Variants in BIRC6 observed in about 807,000 individuals in gnomAD.
BIRC6 encodes dual E2 ubiquitin-conjugating enzyme/E3 ubiquitin-protein ligase BIRC6.
A neutral mutation model predicts 503.3 loss-of-function variants in BIRC6; 98 were observed. The observed-to-expected ratio is 0.19, with a 90% CI of 0.17 to 0.23. The LOEUF (loss-of-function observed/expected upper bound fraction) is 0.23, where lower values mean the gene tolerates loss of function less well. BIRC6 is among the 10% of genes least tolerant of loss of function. BIRC6 has a pLI of 1.00. For missense variants in BIRC6, 5,360 were observed against 5,806.0 expected (o/e 0.92, Z 2.50); for synonymous variants, 2,240 against 2,078.7 (o/e 1.08, Z -2.11).
At chr2:32,368,569 AAAAT>A (rs2035304872) in intron 1 of BIRC6, among the ~76,000 whole-genome samples, 1 of 152,100 alleles carries the variant, frequency 6.6e-6, no homozygotes, top group Admixed American at 6.6e-5. Flanking sequence ...AAATAAATAA[AAAAT>A]AAAACAGGAG....
Position 32,482,439 on chromosome 2 carries a change from G to A in BIRC6, c.7553G>A (p.Ser2518Asn). The change falls in exon 39 of 74, where the codon AGT (serine) becomes AAT (asparagine). Residue 2518 changes from serine to asparagine, a missense_variant. Around this residue, in one of 16 missense-constraint regions of BIRC6, gnomAD observed 2,299 missense variants for 2,267.2 expected, o/e 1.01. Transcript: ENST00000421745. The part of the protein sequence containing the change: ...LAAKVFKPIS[S>N]TWYDYWGADY... ...TTCCATTCTTTTAAGCCAATAAGCA[G>A]TACATGGTATGATTATTGGGGTGCT... The A allele has an allele frequency of 6.2e-7, 1 of 1,613,772 alleles. No homozygotes were observed. The highest frequency in any genetic ancestry group is 1.3e-5 in the African/African-American group (1 of 75,020).
intron 70 of BIRC6, among the ~76,000 whole-genome samples, chr2:32,601,758 T>A (rs2062074884): frequency 6.6e-6 from 1 of 152,198 alleles, no homozygotes; most frequent in Non-Finnish European, 1.5e-5. Context: ...AGGTGCAGAT[T>A]AAGTGTCCCC....
At chr2:32,489,942 A>G in intron 42 of BIRC6, 99 bp from the exon 43 acceptor site, 1 of 819,896 alleles carries the variant, frequency 1.2e-6, no homozygotes, top group Non-Finnish European at 2.0e-6. Flanking sequence ...GAGCGGATTT[A>G]AAGAAATAGT....
At position 32,390,512 on chromosome 2, in the gene BIRC6, A is replaced by G. The variant is rs112107403; in HGVS notation, c.840-1527A>G. ...GTATTTTTAGTAAAGACAGGGTTTC[A>G]CCATGTTGGCCAGGCTGGTCTCGAA... On this transcript the variant is annotated intron_variant, in intron 4 of 73. Coordinates refer to ENST00000421745, the MANE Select transcript of BIRC6 (RefSeq NM_016252.4). Among the ~76,000 whole-genome samples, 784 of 151,180 alleles carry G rather than the reference A, an allele frequency of 5.2e-3. 5 individuals carry two copies. Among genetic ancestry groups the G allele is most frequent in the African/African-American group, 0.018 (739 of 41,154 alleles).
chr2:32,534,898 GAGA>G (rs2057091344), intron 61 of BIRC6, among the ~76,000 whole-genome samples: 1 of 151,628 alleles, frequency 6.6e-6, no homozygotes, highest in South Asian at 2.1e-4. Context: ...AAACAGTATT[GAGA>G]AGAAGAAAAA....
At chr2:32,600,356 A>C (rs1358520139) in intron 70 of BIRC6, among the ~76,000 whole-genome samples, 1 of 152,230 alleles carries the variant, frequency 6.6e-6, no homozygotes, top group African/African-American at 2.4e-5. Context: ...ACTTTGATAG[A>C]ATTTCAATGG....
chr2:32,522,715 A>C (rs1286078852), intron 57 of BIRC6: 1 of 152,230 alleles, frequency 6.6e-6, no homozygotes, highest in Non-Finnish European at 1.5e-5. Context: ...AGCACAAAGC[A>C]TTTTATTCCC....
intron 72 of BIRC6, among the ~76,000 whole-genome samples, chr2:32,608,775 A>C (rs1268292911): frequency 6.6e-6 from 1 of 152,116 alleles, no homozygotes; most frequent in Non-Finnish European, 1.5e-5. Flanking sequence ...TGTTTCTGAT[A>C]TATTTCTCAT....
intron 47 of BIRC6, 111 bp downstream of exon 47, chr2:32,501,999 A>G: frequency 9.0e-7 from 1 of 1,106,444 alleles, no homozygotes; most frequent in Non-Finnish European, 1.3e-6. Flanking sequence ...TCGGACAATG[A>G]AAAGCATCAG....
intron 6 of BIRC6, among the ~76,000 whole-genome samples, chr2:32,397,056 G>A (rs1370222052): frequency 6.6e-6 from 1 of 152,068 alleles, no homozygotes; most frequent in Non-Finnish European, 1.5e-5. Context: ...ACAATATACT[G>A]TAATAAAAGT....
At chr2:32,615,614 CTATT>C (rs2063177614) in intron 73 of BIRC6, among the ~76,000 whole-genome samples, 1 of 151,982 alleles carries the variant, frequency 6.6e-6, no homozygotes, top group South Asian at 2.1e-4. Flanking sequence ...GCTGTTGACA[CTATT>C]TAGTTTTTAT....
chr2:32,519,316 A>T (rs748814278), intron 57 of BIRC6: 5 of 203,756 alleles, frequency 2.5e-5, no homozygotes, highest in Non-Finnish European at 4.1e-5. Flanking sequence ...GAAGGTGGTG[A>T]TCAGTGATCA....
At position 32,468,621 on chromosome 2, in the gene BIRC6, A is replaced by C. The variant is rs762607354; in HGVS notation, c.5965A>C (p.Asn1989His). The change falls in exon 29 of 74, where the codon AAT (asparagine) becomes CAT (histidine). Residue 1989 changes from asparagine (N) to histidine (H), a missense_variant. Around this residue, in one of 16 missense-constraint regions of BIRC6, gnomAD observed 2,299 missense variants for 2,267.2 expected, o/e 1.01. Transcript: ENST00000421745. ...ACAGCTTCAACTAAATTTGGCTCAT[A>C]ATGCAGTGCAGAGGCTCAAAGTGGC... ...QLQLQLNLAH[N>H]AVQRLKVALG... is the part of the protein sequence containing the mutation. The C allele has an allele frequency of 3.7e-6, 6 of 1,614,014 alleles. No individual in the cohort carries two copies. The highest frequency in any genetic ancestry group is 5.1e-6 in the Non-Finnish European group (6 of 1,179,876).
At chr2:32,399,460 A>T (rs544813669) in intron 6 of BIRC6, among the ~76,000 whole-genome samples, 1 of 152,298 alleles carries the variant, frequency 6.6e-6, no homozygotes, top group South Asian at 2.1e-4. Context: ...AGGTGTGATC[A>T]TAGCTTACTG....
At chr2:32,470,369 CTT>C in intron 31 of BIRC6, 68 bp downstream of exon 31, 1 of 1,330,992 alleles carries the variant, frequency 7.5e-7, no homozygotes, top group South Asian at 1.5e-5. Context: ...TATAAAATAT[CTT>C]CTCTGAAATA....
intron 35 of BIRC6, among the ~76,000 whole-genome samples, chr2:32,478,078 C>T (rs2049969579): frequency 6.6e-6 from 1 of 152,078 alleles, no homozygotes; most frequent in Non-Finnish European, 1.5e-5. Flanking sequence ...TGGTGCTTCA[C>T]ACCTGTAATC....
intron 23 of BIRC6, among the ~76,000 whole-genome samples, chr2:32,462,721 C>T (rs188328535): frequency 5.3e-5 from 8 of 152,228 alleles, no homozygotes; most frequent in Non-Finnish European, 1.2e-4. Context: ...TTTGGGAGGC[C>T]AAGGCTAGTG....
At chr2:32,569,262 T>G (rs2059760751) in intron 65 of BIRC6, among the ~76,000 whole-genome samples, 1 of 152,222 alleles carries the variant, frequency 6.6e-6, no homozygotes, top group South Asian at 2.1e-4. Flanking sequence ...GTGCCGAGAT[T>G]ATAGGCGTGA....
In BIRC6 at chr2:32,603,041, A is replaced by C; in HGVS notation, c.14028A>C (p.Arg4676Ser). 1 of 1,612,180 alleles carries C rather than the reference A, an allele frequency of 6.2e-7. No homozygotes were observed. The stretch of plus-strand genomic sequence containing the variant: ...GCATCTTAAACACGTGGCATGGAAG[A>C]CCAGAAGAGAAGTGGAATCCTCAGA... ...CLSILNTWHG[R>S]PEEKWNPQTS... Residue 4676 changes from arginine to serine, a missense_variant, in exon 71 of 74, where the codon AGA becomes AGC. Around this residue, in one of 16 missense-constraint regions of BIRC6, gnomAD observed 66 missense variants for 113.2 expected, o/e 0.58. Coordinates refer to ENST00000421745, the MANE Select transcript of BIRC6 (RefSeq NM_016252.4).
Sources: gnomAD v4.1 joint callset for allele counts (sites outside exome capture counted in the v4.1 genomes callset) on GRCh38, gnomAD v4.1.1 for gene constraint, gnomAD v4.1.1 regional missense constraint, MANE v1.5 for transcripts, NCBI Gene and HGNC (gene_info 2026-07-23, HGNC 2026-07-21) for gene names.